The following TRPC4 variants were observed in gnomAD, a reference collection of about 807,000 sequenced individuals.
The protein encoded by TRPC4 is short transient receptor potential channel 4.
A neutral mutation model predicts 99.4 loss-of-function variants in TRPC4; 49 were observed. The ratio of observed to expected loss-of-function variants is 0.49; its 90% CI spans 0.39 to 0.63. The LOEUF (loss-of-function observed/expected upper bound fraction) is 0.63. Ranked by LOEUF, TRPC4 falls within the 20% of genes least tolerant of loss-of-function variation. TRPC4 has a pLI of 0.00. For missense variants in TRPC4, 898 were observed against 1,152.9 expected (o/e 0.78, Z 3.20); for synonymous variants, 454 against 425.9 (o/e 1.07, Z -0.81).
At chr13:37,645,116 T>C (rs1951831008) in intron 8 of TRPC4, among the ~76,000 whole-genome samples, 1 of 152,054 alleles carries the variant, frequency 6.6e-6, no homozygotes, top group African/African-American at 2.4e-5. Flanking sequence ...GGAATATTCC[T>C]TGGCAAAGTA....
At chr13:37,818,434 C>A (rs28773542) in intron 1 of TRPC4, among the ~76,000 whole-genome samples, 48,913 of 151,790 alleles carry the variant, frequency 0.32, 8,167 homozygotes, top group East Asian at 0.43. Flanking sequence ...CATTTGACCC[C>A]GCAATCCCAT....
At chr13:37,769,129 T>C (rs1428578415) in intron 2 of TRPC4, among the ~76,000 whole-genome samples, 4 of 151,476 alleles carry the variant, frequency 2.6e-5, no homozygotes, top group Admixed American at 1.3e-4. Context: ...TAGTGTTGCA[T>C]AGTGAAAAAA....
At chr13:37,827,649 A>G (rs541393760) in intron 1 of TRPC4, among the ~76,000 whole-genome samples, 54 of 152,204 alleles carry the variant, frequency 3.5e-4, no homozygotes, top group East Asian at 2.5e-3. Flanking sequence ...CCAGCTGCGT[A>G]CTGGGAGAAC....
chr13:37,822,351 T>A (rs1240063497), intron 1 of TRPC4, among the ~76,000 whole-genome samples: 1 of 151,998 alleles, frequency 6.6e-6, no homozygotes, highest in Non-Finnish European at 1.5e-5. Context: ...TGTATACATG[T>A]GCCATGCTGG....
chr13:37,688,378 G>T (rs985365383), intron 4 of TRPC4, among the ~76,000 whole-genome samples: 1 of 152,124 alleles, frequency 6.6e-6, no homozygotes, highest in African/African-American at 2.4e-5. Context: ...AAGACAACTG[G>T]TTCTATGAGG....
intron 3 of TRPC4, among the ~76,000 whole-genome samples, chr13:37,711,537 C>A (rs1022233891): frequency 7.9e-5 from 12 of 151,780 alleles, no homozygotes; most frequent in Non-Finnish European, 1.6e-4. Context: ...AAATGAATCA[C>A]CAAAATGTGA....
rs1951499028 is a variant in TRPC4, at chr13:37,635,811, T to C, written c.*1092A>G. 6.6e-6 allele frequency among the ~76,000 whole-genome samples: 1 copy of C among 152,124 alleles called. No homozygotes were observed. Among genetic ancestry groups the C allele is most frequent in the South Asian group, 2.1e-4 (1 of 4,834 alleles). Reference sequence around the variant, plus strand: ...AGAAAAACAAGAAATAAGAATGTTTTTCCTATAGGCAAAACTATATATCTA... The same window carrying C: ...AGAAAAACAAGAAATAAGAATGTTTCTCCTATAGGCAAAACTATATATCTA... On this transcript the variant is annotated 3_prime_UTR_variant, in exon 11 of 11. Transcript: ENST00000379705.
chr13:37,777,989 G>A (rs540453498), intron 2 of TRPC4, among the ~76,000 whole-genome samples: 1 of 152,126 alleles, frequency 6.6e-6, no homozygotes, highest in African/African-American at 2.4e-5. Context: ...CAACACCATG[G>A]TAAGGAGTGT....
chr13:37,741,215 T>A (rs578075120), intron 3 of TRPC4, among the ~76,000 whole-genome samples: 1 of 152,228 alleles, frequency 6.6e-6, no homozygotes, highest in South Asian at 2.1e-4. Flanking sequence ...CTGTAAAAAA[T>A]AGTTAAGAAA....
At chr13:37,729,834 T>G (rs1241717663) in intron 3 of TRPC4, among the ~76,000 whole-genome samples, 3 of 152,080 alleles carry the variant, frequency 2.0e-5, no homozygotes, top group African/African-American at 7.2e-5. Context: ...ATATCTATAT[T>G]CATTAAACAC....
intron 8 of TRPC4, 32 bp downstream of exon 8, chr13:37,651,233 A>G: frequency 6.2e-7 from 1 of 1,611,722 alleles, no homozygotes; most frequent in Non-Finnish European, 8.5e-7. Flanking sequence ...ACAATTTAAA[A>G]AAAGAGTAAT....
intron 3 of TRPC4, among the ~76,000 whole-genome samples, chr13:37,704,201 C>T (rs530869329): frequency 5.3e-5 from 8 of 152,104 alleles, no homozygotes; most frequent in East Asian, 1.9e-4. Context: ...CAGTTGCCTA[C>T]GGGGGAATGG....
intron 1 of TRPC4, among the ~76,000 whole-genome samples, chr13:37,830,499 A>G (rs1958390272): frequency 1.3e-5 from 2 of 151,880 alleles, no homozygotes; most frequent in African/African-American, 4.8e-5. Context: ...ACCTAAGGTC[A>G]GGAGTTCAAT....
intron 3 of TRPC4, among the ~76,000 whole-genome samples, chr13:37,703,160 T>C (rs1337538918): frequency 6.6e-6 from 1 of 152,192 alleles, no homozygotes; most frequent in Non-Finnish European, 1.5e-5. Context: ...GTTTGACTAG[T>C]ATAGTTGCGC....
chr13:37,786,809 A>G (rs925596714), intron 1 of TRPC4, among the ~76,000 whole-genome samples: 2 of 152,066 alleles, frequency 1.3e-5, no homozygotes, highest in African/African-American at 4.8e-5. Context: ...GTCAAATTAT[A>G]TTTAGAAGAT....
At chr13:37,707,368 A>G (rs1954317895) in intron 3 of TRPC4, among the ~76,000 whole-genome samples, 1 of 152,176 alleles carries the variant, frequency 6.6e-6, no homozygotes, top group Middle Eastern at 3.2e-3. Context: ...TCCAAGATGT[A>G]AATATACCCT....
chr13:37,782,857 C>T, intron 2 of TRPC4, 99 bp downstream of exon 2: 1 of 1,174,908 alleles, frequency 8.5e-7, no homozygotes, highest in Non-Finnish European at 1.1e-6. Flanking sequence ...CTTAAATTTT[C>T]AGGGCATTTG....
In TRPC4 at chr13:37,635,415, T is replaced by C. The variant is rs538270683; in HGVS notation, c.*1488A>G. ...AGGGCTGTAAAGAGCAGTACATAAA[T>C]GTTAACAGGTGTATAGGAATAGAAC... On this transcript the variant is annotated 3_prime_UTR_variant, in exon 11 of 11. Transcript: ENST00000379705. Among the ~76,000 whole-genome samples, 8 of 152,174 alleles carry C rather than the reference T, an allele frequency of 5.3e-5. No homozygotes were observed. Among genetic ancestry groups the C allele is most frequent in the African/African-American group, 1.9e-4 (8 of 41,528 alleles).
chr13:37,796,933 A>ATAAAAT (rs1555273539), intron 1 of TRPC4, among the ~76,000 whole-genome samples: 2 of 119,918 alleles, frequency 1.7e-5, no homozygotes, highest in African/African-American at 6.2e-5. Context: ...CTCTACAAAA[A>ATAAAAT]TAAAATAAAA....
Sources: gnomAD v4.1 joint callset for allele counts (sites outside exome capture counted in the v4.1 genomes callset) on GRCh38, gnomAD v4.1.1 for gene constraint, MANE v1.5 for transcripts, NCBI Gene and HGNC (gene_info 2026-07-23, HGNC 2026-07-21) for gene names.